Variants in TMEM204 observed in about 807,000 individuals in gnomAD.
The protein encoded by TMEM204 is claudin-like protein 24.
TMEM204 carries 15 observed loss-of-function variants against 19.4 expected under a neutral mutation model. The ratio of observed to expected loss-of-function variants is 0.77; its 90% CI spans 0.52 to 1.19. TMEM204 has a LOEUF of 1.19. Among genes scored for constraint, TMEM204 ranks in the 50% most tolerant of loss-of-function variants. The probability of loss-of-function intolerance (pLI) is 0.00; values close to 1 mark genes in which losing one functional copy is unlikely to be tolerated. For synonymous variants in TMEM204, 161 were observed against 146.0 expected (o/e 1.10, Z -0.74); for missense variants, 287 against 321.2 (o/e 0.89, Z 0.81).
chr16:1,553,051 T>C lies in TMEM204; in HGVS notation c.437-1731T>C. The C allele has an allele frequency of 1.0e-6, 1 of 985,456 alleles. No homozygotes were observed. The highest frequency in any genetic ancestry group is 1.1e-4 in the East Asian group (1 of 8,826). The allele number at this position is 985,456 out of a possible 1,614,324, so 61.0% of individuals were successfully genotyped here. ...AAGAATGAACACAGAAACCAGTCACTGTCATTGTTCAGGACAAAATGGAGA... is the reference window on the plus strand; with the variant it reads ...AAGAATGAACACAGAAACCAGTCACCGTCATTGTTCAGGACAAAATGGAGA... On this transcript the variant is annotated intron_variant, in intron 2 of 2. Transcript: ENST00000566264. The surrounding 1 kb of genome is among the most constrained non-coding windows in gnomAD (Gnocchi z 4.4).
chr16:1,551,780 G>C lies in TMEM204; in HGVS notation c.437-3002G>C, dbSNP rs1009700555. Among the ~76,000 whole-genome samples the C allele has an allele frequency of 1.2e-4, 18 of 152,216 alleles. No individual in the cohort carries two copies. Among genetic ancestry groups the C allele is most frequent in the Non-Finnish European group, 2.1e-4 (14 of 68,036 alleles). On this transcript the variant is annotated intron_variant, in intron 2 of 2. Coordinates refer to ENST00000566264, the MANE Select transcript of TMEM204 (RefSeq NM_024600.6). The surrounding 1 kb of genome is among the most constrained non-coding windows in gnomAD (Gnocchi z 4.0). ...CACACCACACGTGCGTGGTCCGGCA[G>C]ATCCGGCAAGATCAACTCTGCGGGA...
chr16:1,549,736 G>A (rs1444478553), intron 2 of TMEM204, among the ~76,000 whole-genome samples: 1 of 151,958 alleles, frequency 6.6e-6, no homozygotes, highest in Non-Finnish European at 1.5e-5. Flanking sequence ...CTGGCCACTT[G>A]TTGCTAGATT....
chr16:1,546,485 C>T (rs190513996), intron 2 of TMEM204, among the ~76,000 whole-genome samples: 15 of 152,328 alleles, frequency 9.8e-5, no homozygotes, highest in Admixed American at 2.6e-4. Context: ...ACCACTCCAG[C>T]GCACAGATGT....
At chr16:1,537,610 G>A (rs920849226) in intron 1 of TMEM204, among the ~76,000 whole-genome samples, 3 of 152,170 alleles carry the variant, frequency 2.0e-5, no homozygotes, top group African/African-American at 7.2e-5. Flanking sequence ...TGAGGAGCTC[G>A]GGGGACCAGG....
At chr16:1,552,521 A>G (rs2141396858) in intron 2 of TMEM204, among the ~76,000 whole-genome samples, 1 of 152,174 alleles carries the variant, frequency 6.6e-6, no homozygotes, top group South Asian at 2.1e-4. Context: ...CTCACACACA[A>G]CACAGGCTCA....
In TMEM204 at chr16:1,555,372, A is replaced by G. The variant is rs1417400065; in HGVS notation, c.*346A>G. On this transcript the variant is annotated 3_prime_UTR_variant, in exon 3 of 3. Transcript: ENST00000566264. ...TTGCTTTGGGATTAATTTATTCTGCATCTGCTGAGAGGGGCACCCCAGCCA... is the reference window on the plus strand; with the variant it reads ...TTGCTTTGGGATTAATTTATTCTGCGTCTGCTGAGAGGGGCACCCCAGCCA... 1 of 259,392 alleles carries G rather than the reference A, an allele frequency of 3.9e-6. No homozygotes were observed. Among genetic ancestry groups the G allele is most frequent in the Non-Finnish European group, 7.4e-6 (1 of 134,696 alleles). 16.1% of individuals were successfully genotyped at this position (259,392 alleles called of 1,614,324 possible). A position where few individuals can be genotyped will look rare whatever the true frequency, so the allele number is the denominator to read the frequency against.
In TMEM204 at chr16:1,542,030, C is replaced by T. The variant is rs374082360; in HGVS notation, c.390C>T (p.Asp130=). The T allele has an allele frequency of 1.6e-5, 26 of 1,611,088 alleles. No homozygotes were observed. Among genetic ancestry groups the T allele is most frequent in the African/African-American group, 1.3e-4 (10 of 74,928 alleles). The change falls in exon 2 of 3, where the codon GAC becomes GAT. Residue 130 remains aspartate (D), a synonymous_variant. Coordinates refer to ENST00000566264, the MANE Select transcript of TMEM204 (RefSeq NM_024600.6). ...GLVGLPLLSP[D]APCWEEAMAA... Reference sequence around the variant, plus strand: ...TGGGCCTGCCCCTGCTGTCACCCGACGCCCCGTGCTGGGAGGAGGCCATGG... The same window carrying T: ...TGGGCCTGCCCCTGCTGTCACCCGATGCCCCGTGCTGGGAGGAGGCCATGG...
At chr16:1,541,622 C>A (rs903380564) in intron 1 of TMEM204, 1 of 459,908 alleles carries the variant, frequency 2.2e-6, no homozygotes, top group African/African-American at 2.1e-5. Context: ...CAGAGAGGAA[C>A]AGCTGTCTCA....
chr16:1,539,173 G>A lies in TMEM204; in HGVS notation c.281-2748G>A, dbSNP rs1005839895. 6.7e-5 allele frequency among the ~76,000 whole-genome samples: 10 copies of A among 149,564 alleles called. No individual in the cohort carries two copies. In the East Asian group the frequency reaches 7.9e-4, roughly 12 times the overall value. ...GCCTCACCAAGCTGCACAGTGCCAC[G>A]CCGCCCCACGCCTTGGGCCTCACCA... is the stretch of plus-strand genomic sequence containing the variant. On this transcript the variant is annotated intron_variant, in intron 1 of 2. Coordinates refer to ENST00000566264, the MANE Select transcript of TMEM204 (RefSeq NM_024600.6).
At chr16:1,545,788 C>T (rs565961471) in intron 2 of TMEM204, among the ~76,000 whole-genome samples, 4 of 152,306 alleles carry the variant, frequency 2.6e-5, no homozygotes, top group Non-Finnish European at 5.9e-5. Flanking sequence ...CAAAGAGAGG[C>T]GATGGGGCCT....
In TMEM204 at chr16:1,553,725, C is replaced by G. The variant is rs1231257978; in HGVS notation, c.437-1057C>G. ...CCATGGCCTCCAGGACAATCTGTGG[C>G]CACATCCCCATGGCTGTAGGGGATG... On this transcript the variant is annotated intron_variant, in intron 2 of 2. Transcript: ENST00000566264. This position sits in a 1 kb window ranked among gnomAD's most constrained non-coding sequence, Gnocchi z 4.4. 2 of 1,122,678 alleles carry G rather than the reference C, an allele frequency of 1.8e-6. No homozygotes were observed. The highest frequency in any genetic ancestry group is 1.6e-5 in the African/African-American group (1 of 61,678). The allele number at this position is 1,122,678 out of a possible 1,614,324, so 69.5% of individuals were successfully genotyped here. A position where few individuals can be genotyped will look rare whatever the true frequency, so the allele number is the denominator to read the frequency against.
chr16:1,554,085 G>A (rs1248991486), intron 2 of TMEM204: 1 of 1,287,200 alleles, frequency 7.8e-7, no homozygotes, highest in East Asian at 5.6e-5. Flanking sequence ...TGCCAGGGAG[G>A]AGGGAGGGTC....
At chr16:1,545,587 A>G (rs1322239511) in intron 2 of TMEM204, among the ~76,000 whole-genome samples, 2 of 152,206 alleles carry the variant, frequency 1.3e-5, no homozygotes, top group Non-Finnish European at 2.9e-5. Flanking sequence ...GTCCTGTCAC[A>G]GGACAAGGAA....
At chr16:1,541,837 G>A (rs995894670) in intron 1 of TMEM204, 84 bp from the exon 2 acceptor site, 5 of 1,457,930 alleles carry the variant, frequency 3.4e-6, no homozygotes, top group Non-Finnish European at 4.5e-6. Flanking sequence ...GAGGCAAACA[G>A]AGACCACGAA....
chr16:1,530,849 A>T (rs1271460156), upstream of TMEM204: 3 of 152,186 alleles, frequency 2.0e-5, no homozygotes, highest in Non-Finnish European at 4.4e-5. Flanking sequence ...TGTCCTGGGC[A>T]TTAAGTCTGC....
upstream of TMEM204, among the ~76,000 whole-genome samples, chr16:1,529,243 T>C (rs148131225): frequency 9.9e-3 from 1,511 of 152,336 alleles, 14 homozygotes; most frequent in Non-Finnish European, 0.014. Flanking sequence ...GCCCCTGCCA[T>C]GTGGCACAGT....
intron 2 of TMEM204, among the ~76,000 whole-genome samples, chr16:1,547,849 T>C (rs1212442330): frequency 6.6e-6 from 1 of 152,172 alleles, no homozygotes; most frequent in African/African-American, 2.4e-5. Flanking sequence ...CATCTATTTA[T>C]TTCTTAAAGC....
At chr16:1,535,427 A>G (rs372742026) in intron 1 of TMEM204, among the ~76,000 whole-genome samples, 64 of 152,230 alleles carry the variant, frequency 4.2e-4, no homozygotes, top group African/African-American at 1.4e-3. Context: ...TGAAACTGTC[A>G]GCAAGGTTTT....
At position 1,534,163 on chromosome 16, in the gene TMEM204, G is replaced by A; in HGVS notation, c.-113G>A. On this transcript the variant is annotated 5_prime_UTR_variant, in exon 1 of 3. Coordinates refer to ENST00000566264, the MANE Select transcript of TMEM204 (RefSeq NM_024600.6). ...TGGGCCTCCGCCCGCGCCGCCCCGA[G>A]GATGAGTGGTGATGTCCTCTAGCCA... 1 of 1,398,564 alleles carries A rather than the reference G, an allele frequency of 7.2e-7. No homozygotes were observed. The highest frequency in any genetic ancestry group is 9.6e-7 in the Non-Finnish European group (1 of 1,044,032). 86.6% of individuals were successfully genotyped at this position (1,398,564 alleles called of 1,614,324 possible). A position where few individuals can be genotyped will look rare whatever the true frequency, so the allele number is the denominator to read the frequency against.
Sources: gnomAD v4.1 joint callset for allele counts (sites outside exome capture counted in the v4.1 genomes callset) on GRCh38, gnomAD v4.1.1 for gene constraint, Gnocchi (gnomAD v3.1) non-coding constraint, MANE v1.5 for transcripts, NCBI Gene and HGNC (gene_info 2026-07-23, HGNC 2026-07-21) for gene names.